The following DDX25 variants were observed in gnomAD, a reference collection of about 807,000 sequenced individuals.
The protein encoded by DDX25 is DEAD-box helicase 25.
A neutral mutation model predicts 64.6 loss-of-function variants in DDX25; 70 were observed. The ratio of observed to expected loss-of-function variants is 1.08; its 90% CI spans 0.89 to 1.32. The LOEUF is 1.32. Ranked by LOEUF, DDX25 falls within the 40% of genes most tolerant of loss-of-function variation. The pLI, the probability that DDX25 is intolerant of heterozygous loss-of-function variation, is 0.00. For missense variants in DDX25, 587 were observed against 604.4 expected (o/e 0.97, Z 0.30); for synonymous variants, 211 against 213.3 (o/e 0.99, Z 0.09).
At chr11:125,913,087 G>A (rs1190525867) in intron 8 of DDX25, among the ~76,000 whole-genome samples, 2 of 151,580 alleles carry the variant, frequency 1.3e-5, no homozygotes, top group African/African-American at 4.9e-5. Flanking sequence ...GAACCCGGGA[G>A]GCGGAGCTTG....
intron 10 of DDX25, 95 bp downstream of exon 10, chr11:125,918,885 A>G (rs1363654020): frequency 7.4e-7 from 1 of 1,347,880 alleles, no homozygotes; most frequent in African/African-American, 1.5e-5. Context: ...ACAAACATGC[A>G]ATCATGCAGC....
intron 11 of DDX25, 184 bp from the exon 12 acceptor site, chr11:125,922,636 A>G: frequency 3.9e-6 from 2 of 511,184 alleles, no homozygotes; most frequent in South Asian, 7.5e-5. Flanking sequence ...CATACATTCC[A>G]TGGTCTGGTG....
chr11:125,909,285 T>C (rs1334371802), intron 6 of DDX25, among the ~76,000 whole-genome samples: 1 of 152,206 alleles, frequency 6.6e-6, no homozygotes, highest in Non-Finnish European at 1.5e-5. Flanking sequence ...TTACGCATTT[T>C]AGACAAGTTC....
Position 125,918,624 on chromosome 11 carries a change from A to C in DDX25, c.1039-4A>C. Reference sequence around the variant, plus strand: ...GCTGTGTTGGGTTTTGCCTTTTTACATAGACTCGTCGAAACGCTAAGTGGT... The same window carrying C: ...GCTGTGTTGGGTTTTGCCTTTTTACCTAGACTCGTCGAAACGCTAAGTGGT... On this transcript the variant is annotated splice_region_variant and splice_polypyrimidine_tract_variant and intron_variant, in intron 9 of 11. Coordinates refer to ENST00000263576, the MANE Select transcript of DDX25 (RefSeq NM_013264.5). 1.2e-6 allele frequency: 2 copies of C among 1,611,868 alleles called. No individual in the cohort carries two copies. The highest frequency in any genetic ancestry group is 1.7e-6 in the Non-Finnish European group (2 of 1,178,666).
At chr11:125,920,296 C>T (rs1945093933) in intron 10 of DDX25, among the ~76,000 whole-genome samples, 1 of 151,952 alleles carries the variant, frequency 6.6e-6, no homozygotes. Context: ...AATTAGCCAG[C>T]CATGGTGATG....
rs1406207615 is a variant in DDX25 at position 125,918,683 on chromosome 11, T to C, written c.1094T>C (p.Val365Ala). 4 of 1,613,906 alleles carry C rather than the reference T, an allele frequency of 2.5e-6. No homozygotes were observed. In the East Asian group the frequency reaches 8.9e-5, roughly 36 times the overall value. Residue 365 changes from valine (V) to alanine (A), a missense_variant, in exon 10 of 12, where the codon GTG becomes GCG. Coordinates refer to ENST00000263576, the MANE Select transcript of DDX25 (RefSeq NM_013264.5). ...GAGATGATACAGGATGGCCACCAGG[T>C]GTCTTTGTTAAGCGGGGAGCTGACC... The part of the protein sequence containing the change: ...TVEMIQDGHQ[V>A]SLLSGELTVE...
In DDX25 at chr11:125,905,355, A is replaced by G. The variant is rs548065485; in HGVS notation, c.130+77A>G. On this transcript the variant is annotated intron_variant, in intron 2 of 11. Transcript: ENST00000263576. Reference sequence around the variant, plus strand: ...TTTTGCTTTCATCACGTCCCTGCCAAGTGAAACACCGCGGATTCATTAGTG... The same window carrying G: ...TTTTGCTTTCATCACGTCCCTGCCAGGTGAAACACCGCGGATTCATTAGTG... 5.8e-4 allele frequency: 869 copies of G among 1,486,996 alleles called. 16 individuals carry two copies. In the South Asian group the frequency reaches 9.8e-3, roughly 17 times the overall value. The allele number at this position is 1,486,996 out of a possible 1,614,324, so 92.1% of individuals were successfully genotyped here. A position where few individuals can be genotyped will look rare whatever the true frequency, so the allele number is the denominator to read the frequency against.
At chr11:125,911,546 T>C (rs1944969497) in intron 8 of DDX25, 58 bp downstream of exon 8, 1 of 1,520,628 alleles carries the variant, frequency 6.6e-7, no homozygotes, top group Non-Finnish European at 9.0e-7. Context: ...GGAATTTCAT[T>C]TGTTTACTCC....
At chr11:125,907,471 G>C (rs549535827) in intron 4 of DDX25, among the ~76,000 whole-genome samples, 3 of 152,046 alleles carry the variant, frequency 2.0e-5, no homozygotes, top group Admixed American at 1.3e-4. Context: ...AGCCAGGTGT[G>C]GTGGCGGGCG....
chr11:125,916,864 G>T, intron 8 of DDX25, 150 bp from the exon 9 acceptor site: 1 of 717,116 alleles, frequency 1.4e-6, no homozygotes, highest in Non-Finnish European at 2.3e-6. Context: ...GCAGGACCTT[G>T]GCTATCTGCC....
At position 125,927,205 on chromosome 11, in the gene DDX25, CA is replaced by C; in HGVS notation, c.*4325del. 1 of 152,228 alleles carries C rather than the reference CA, an allele frequency of 6.6e-6. No homozygotes were observed. Among genetic ancestry groups the C allele is most frequent in the Non-Finnish European group, 1.5e-5 (1 of 68,044 alleles). 9.4% of individuals were successfully genotyped at this position (152,228 alleles called of 1,614,324 possible). A position where few individuals can be genotyped will look rare whatever the true frequency, so the allele number is the denominator to read the frequency against. On this transcript the variant is annotated 3_prime_UTR_variant, in exon 12 of 12. Transcript: ENST00000263576. ...TTCTTCTAGTGAAATACAGAAAACA[CA>C]CGTGAACTGGGATGATTCTTGGCTG...
At chr11:125,911,263 T>A in intron 7 of DDX25, 48 bp from the exon 8 acceptor site, 1 of 1,540,994 alleles carries the variant, frequency 6.5e-7, no homozygotes, top group South Asian at 1.3e-5. Context: ...TGTGACCTGT[T>A]GGAGTTGTTT....
chr11:125,904,160 G>T (rs1944838609), upstream of DDX25, among the ~76,000 whole-genome samples: 1 of 152,204 alleles, frequency 6.6e-6, no homozygotes, highest in Admixed American at 6.5e-5. Context: ...GGAGTCCGGG[G>T]GGCTCCCGCC....
chr11:125,923,223 G>A lies in DDX25; in HGVS notation c.*342G>A, dbSNP rs1945136076. 1.0e-5 allele frequency: 2 copies of A among 191,168 alleles called. No homozygotes were observed. Among genetic ancestry groups the A allele is most frequent in the South Asian group, 1.6e-4 (1 of 6,246 alleles). 11.8% of individuals were successfully genotyped at this position (191,168 alleles called of 1,614,324 possible). ...GCATCTTACTGTGTCACAAGAGGGC[G>A]GTAGAGCTTCGCTGATTTTGGAAGC... is the stretch of plus-strand genomic sequence containing the variant. On this transcript the variant is annotated 3_prime_UTR_variant, in exon 12 of 12. Coordinates refer to ENST00000263576, the MANE Select transcript of DDX25 (RefSeq NM_013264.5).
intron 8 of DDX25, among the ~76,000 whole-genome samples, chr11:125,915,867 A>G (rs1354980869): frequency 2.0e-5 from 3 of 151,964 alleles, no homozygotes; most frequent in Non-Finnish European, 2.9e-5. Context: ...CCACTTTCTC[A>G]TTTACCACCC....
At chr11:125,911,226 T>C (rs1037022787) in intron 7 of DDX25, 85 bp from the exon 8 acceptor site, 1 of 1,207,744 alleles carries the variant, frequency 8.3e-7, no homozygotes, top group African/African-American at 1.6e-5. Flanking sequence ...TTTTTGCTTA[T>C]GAGCTTTATA....
chr11:125,904,314 TCTGCCCCCCGCCCCG>T, upstream of DDX25: 1 of 388,742 alleles, frequency 2.6e-6, no homozygotes, highest in Non-Finnish European at 4.5e-6. Context: ...CGCCCCGCTC[TCTGCCCCCCGCCCCG>T]CTCTCTGCCC....
chr11:125,918,087 G>A (rs658174), intron 9 of DDX25, among the ~76,000 whole-genome samples: 18,815 of 151,988 alleles, frequency 0.12, 1,528 homozygotes, highest in Admixed American at 0.24. Flanking sequence ...CACCATGCTG[G>A]CCAGGCTGGT....
chr11:125,904,282 CT>C (rs1944840698), upstream of DDX25: 8 of 50,044 alleles, frequency 1.6e-4, no homozygotes, highest in Middle Eastern at 4.2e-3. Context: ...GCTCTCTGCC[CT>C]CCGCCCCGCT....
Sources: gnomAD v4.1 joint callset for allele counts (sites outside exome capture counted in the v4.1 genomes callset) on GRCh38, gnomAD v4.1.1 for gene constraint, MANE v1.5 for transcripts, NCBI Gene and HGNC (gene_info 2026-07-23, HGNC 2026-07-21) for gene names.